Variants in DOCK4 observed in about 807,000 individuals in gnomAD.
DOCK4 encodes the protein dedicator of cytokinesis protein 4.
In DOCK4, 97 loss-of-function variants were observed where a neutral mutation model predicts 268.1. That is an observed-to-expected ratio of 0.36 (90% CI 0.31 to 0.43). DOCK4 has a LOEUF of 0.43. Among genes scored for constraint, DOCK4 ranks in the 20% least tolerant of loss-of-function variants. The pLI, the probability that DOCK4 is intolerant of heterozygous loss-of-function variation, is 1.00. For synonymous variants in DOCK4, 954 were observed against 887.2 expected (o/e 1.08, Z -1.34); for missense variants, 2,145 against 2,455.7 (o/e 0.87, Z 2.67).
chr7:111,845,868 C>T (rs918501539), intron 24 of DOCK4, among the ~76,000 whole-genome samples: 4 of 152,088 alleles, frequency 2.6e-5, no homozygotes, highest in Admixed American at 6.6e-5. Context: ...ATTTGGAAAA[C>T]GATTCTAACT....
intron 11 of DOCK4, among the ~76,000 whole-genome samples, chr7:111,936,865 T>C (rs910812333): frequency 1.3e-5 from 2 of 152,190 alleles, no homozygotes; most frequent in African/African-American, 4.8e-5. Flanking sequence ...ATGGAGGTGA[T>C]TTTTGAGCCA....
At chr7:111,931,960 T>C (rs1030802914) in intron 12 of DOCK4, among the ~76,000 whole-genome samples, 1 of 152,230 alleles carries the variant, frequency 6.6e-6, no homozygotes, top group Non-Finnish European at 1.5e-5. Flanking sequence ...AGATGACTCC[T>C]GTCTGTAAGC....
At chr7:111,783,658 C>G (rs1018505262) in intron 34 of DOCK4, among the ~76,000 whole-genome samples, 199 bp downstream of exon 34, 1 of 151,282 alleles carries the variant, frequency 6.6e-6, no homozygotes, top group African/African-American at 2.4e-5. Context: ...CAAAACAAAG[C>G]AACAAAAAAC....
At chr7:111,762,286 A>G (rs1340878311) in intron 39 of DOCK4, among the ~76,000 whole-genome samples, 2 of 152,234 alleles carry the variant, frequency 1.3e-5, no homozygotes, top group African/African-American at 4.8e-5. Context: ...GTATATTTAT[A>G]GAGTTGTGCA....
At position 111,976,207 on chromosome 7, in the gene DOCK4, T is replaced by C. The variant is rs1261480502; in HGVS notation, c.701+925A>G. ...ACACACACACGCACACACGCACATA[T>C]GTGTGTGTGTGTGTGCGTGTGTGTG... On this transcript the variant is annotated intron_variant, in intron 8 of 52. Transcript: ENST00000428084. Among the ~76,000 whole-genome samples, 2 of 67,754 alleles carry C rather than the reference T, an allele frequency of 3.0e-5. 1 individual carries two copies. Among genetic ancestry groups the C allele is most frequent in the African/African-American group, 1.7e-4 (2 of 11,692 alleles). The allele number at this position is 67,754 out of a possible 152,430, so 44.4% of individuals were successfully genotyped here. A position where few individuals can be genotyped will look rare whatever the true frequency, so the allele number is the denominator to read the frequency against.
At chr7:112,137,178 T>A (rs1413879062) in intron 1 of DOCK4, among the ~76,000 whole-genome samples, 1 of 152,222 alleles carries the variant, frequency 6.6e-6, no homozygotes, top group Non-Finnish European at 1.5e-5. Context: ...TTATCATAGC[T>A]TATGTGATGC....
At chr7:112,066,508 C>CTA (rs758334996) in intron 1 of DOCK4, among the ~76,000 whole-genome samples, 280 of 120,908 alleles carry the variant, frequency 2.3e-3, no homozygotes, top group East Asian at 5.0e-3. Context: ...CTCTCTCTCT[C>CTA]TCTCTATATA....
In DOCK4 at chr7:111,739,420, T is replaced by C; in HGVS notation, c.5098A>G (p.Ser1700Gly). The change falls in exon 48 of 53, where the codon AGT becomes GGT. Residue 1700 changes from serine (S) to glycine (G), a missense_variant. Physicochemically the swap from Ser to Gly is moderately conservative, Grantham distance 56. Transcript: ENST00000428084. The part of the protein sequence containing the change: ...STHSASPNVT[S>G]SAPSSARASP... ...CCTCTGGCACTCGATGGAGCAGAAC[T>C]TGTCACATTAGGTGAAGCCGAGTGA... The C allele has an allele frequency of 6.3e-7, 1 of 1,585,294 alleles. No homozygotes were observed. The highest frequency in any genetic ancestry group is 8.6e-7 in the Non-Finnish European group (1 of 1,165,828).
intron 13 of DOCK4, among the ~76,000 whole-genome samples, chr7:111,913,843 C>G (rs1792357655): frequency 6.6e-6 from 1 of 151,896 alleles, no homozygotes; most frequent in South Asian, 2.1e-4. Flanking sequence ...GACTGTGCCA[C>G]TGCACACCAA....
At chr7:112,107,355 C>G (rs917794300) in intron 1 of DOCK4, among the ~76,000 whole-genome samples, 6 of 152,184 alleles carry the variant, frequency 3.9e-5, no homozygotes, top group African/African-American at 1.4e-4. Flanking sequence ...CTAATCCAGT[C>G]TGACTGGTGT....
At chr7:112,148,997 C>T (rs1042226429) in intron 1 of DOCK4, among the ~76,000 whole-genome samples, 8 of 152,192 alleles carry the variant, frequency 5.3e-5, no homozygotes, top group Admixed American at 5.2e-4. Context: ...GAGCACGCTG[C>T]TCCCTCCTGC....
chr7:111,739,552 T>C, intron 47 of DOCK4, 75 bp from the exon 48 acceptor site: 1 of 1,306,966 alleles, frequency 7.7e-7, no homozygotes. Context: ...TGAAACAAAA[T>C]CATCAACTTT....
chr7:111,920,969 T>G (rs964066762), intron 12 of DOCK4, among the ~76,000 whole-genome samples: 1 of 152,108 alleles, frequency 6.6e-6, no homozygotes, highest in African/African-American at 2.4e-5. Flanking sequence ...TTCATAAAAT[T>G]AAAATTTCAT....
chr7:111,736,308 C>A (rs1188163990), intron 50 of DOCK4, among the ~76,000 whole-genome samples: 1 of 152,132 alleles, frequency 6.6e-6, no homozygotes, highest in Non-Finnish European at 1.5e-5. Context: ...CAAGCCCCGA[C>A]CCCGTAGCTG....
chr7:111,994,269 C>T (rs750581522), intron 4 of DOCK4, 38 bp from the exon 5 acceptor site: 1 of 1,322,136 alleles, frequency 7.6e-7, no homozygotes, highest in South Asian at 1.3e-5. Context: ...TATGTAAATA[C>T]CATAGACAAC....
At chr7:111,814,106 A>G (rs565949955) in intron 27 of DOCK4, among the ~76,000 whole-genome samples, 2 of 152,328 alleles carry the variant, frequency 1.3e-5, no homozygotes, top group South Asian at 2.1e-4. Flanking sequence ...GAAATATGAC[A>G]TATCTGGAAT....
intron 1 of DOCK4, among the ~76,000 whole-genome samples, chr7:112,079,114 G>A (rs1403428239): frequency 5.3e-5 from 8 of 152,146 alleles, no homozygotes; most frequent in South Asian, 2.1e-4. Context: ...GCAACAGAGC[G>A]AGACTCTGTC....
rs1196909303 is a variant in DOCK4 at position 111,872,059 on chromosome 7, T to C, written c.1958A>G (p.Lys653Arg). The C allele has an allele frequency of 3.2e-6, 5 of 1,550,766 alleles. No homozygotes were observed. The highest frequency in any genetic ancestry group is 1.4e-5 in the African/African-American group (1 of 73,104). ...VHIINLLQDS[K>R]FHHFKPVMDT... The stretch of plus-strand genomic sequence containing the variant: ...CATTACAGGTTTAAAATGATGAAAT[T>C]TGCTATCTTGCAGCAAATTTATTAT... Residue 653 changes from lysine to arginine, a missense_variant, in exon 20 of 53, where the codon AAA (lysine) becomes AGA (arginine). Physicochemically the swap from Lys to Arg is conservative, Grantham distance 26 (BLOSUM62 2). Around this residue, in one of 2 missense-constraint regions of DOCK4, gnomAD observed 1,598 missense variants for 1,986.7 expected, o/e 0.80. Coordinates refer to ENST00000428084, the MANE Select transcript of DOCK4 (RefSeq NM_001363540.2).
chr7:111,773,453 T>C (rs1798248423), intron 36 of DOCK4, among the ~76,000 whole-genome samples: 1 of 152,232 alleles, frequency 6.6e-6, no homozygotes, highest in South Asian at 2.1e-4. Context: ...ATTTGGACTT[T>C]ATTTCAGAGA....
Sources: gnomAD v4.1 joint callset for allele counts (sites outside exome capture counted in the v4.1 genomes callset) on GRCh38, gnomAD v4.1.1 for gene constraint, gnomAD v4.1.1 regional missense constraint, MANE v1.5 for transcripts, NCBI Gene and HGNC (gene_info 2026-07-23, HGNC 2026-07-21) for gene names.